PCNT: variants seen among roughly 807,000 people sequenced by gnomAD.
PCNT encodes the protein pericentrin.
PCNT carries 319 observed loss-of-function variants against 380.4 expected under a neutral mutation model. The observed-to-expected ratio is 0.84, with a 90% confidence interval of 0.77 to 0.92. The LOEUF is 0.92. PCNT is among the 40% of genes least tolerant of loss of function. The probability of loss-of-function intolerance (pLI) is 0.00; values close to 1 mark genes in which losing one functional copy is unlikely to be tolerated. For missense variants in PCNT, 4,400 were observed against 4,255.3 expected (o/e 1.03, Z -0.95); for synonymous variants, 1,845 against 1,735.2 (o/e 1.06, Z -1.57).
intron 13 of PCNT, among the ~76,000 whole-genome samples, chr21:46,359,632 G>A (rs139655784): frequency 0.045 from 6,388 of 141,254 alleles, 825 homozygotes; most frequent in Non-Finnish European, 0.071. Flanking sequence ...GGGACTACAG[G>A]CACGTGCCAC....
chr21:46,359,480 G>GTTT lies in PCNT; in HGVS notation c.2154+2297_2154+2299dup, dbSNP rs1478908165. 1.5e-3 allele frequency among the ~76,000 whole-genome samples: 99 copies of GTTT among 65,728 alleles called. 22 individuals are homozygous for GTTT. Among genetic ancestry groups the GTTT allele is most frequent in the East Asian group, 8.7e-3 (19 of 2,172 alleles). The allele number at this position is 65,728 out of a possible 152,430, so 43.1% of individuals were successfully genotyped here. A position where few individuals can be genotyped will look rare whatever the true frequency, so the allele number is the denominator to read the frequency against. ...TAGTATTCTGTCCAAAAATACACCT[G>GTTT]TTTTTTTTTTGTTTTTTTTTTTTTT... On this transcript the variant is annotated intron_variant, in intron 13 of 46. Transcript: ENST00000359568.
chr21:46,444,017 GA>G (rs1364949628), intron 45 of PCNT, 69 bp downstream of exon 45: 1 of 1,525,784 alleles, frequency 6.6e-7, no homozygotes, highest in Non-Finnish European at 8.9e-7. Flanking sequence ...GGGCCTCAGA[GA>G]AATGCATTTT....
At chr21:46,326,688 A>T in intron 2 of PCNT, 99 bp downstream of exon 2, 1 of 1,269,032 alleles carries the variant, frequency 7.9e-7, no homozygotes, top group Non-Finnish European at 1.1e-6. Flanking sequence ...TTTGCCTTTC[A>T]AAAGTGAGGA....
intron 21 of PCNT, among the ~76,000 whole-genome samples, chr21:46,393,181 G>A (rs536862849): frequency 2.0e-5 from 3 of 152,268 alleles, no homozygotes; most frequent in African/African-American, 7.2e-5. Context: ...GGGAGTGCGG[G>A]GGAACCTCCA....
chr21:46,443,330 G>A (rs1026454674), intron 44 of PCNT, among the ~76,000 whole-genome samples: 2 of 152,238 alleles, frequency 1.3e-5, no homozygotes, highest in Non-Finnish European at 2.9e-5. Flanking sequence ...CCATCCTCCT[G>A]TGTCAGCCTC....
At position 46,437,095 on chromosome 21, in the gene PCNT, G is replaced by A. The variant is rs370266308; in HGVS notation, c.9099+14G>A. On this transcript the variant is annotated intron_variant, in intron 40 of 46. Coordinates refer to ENST00000359568, the MANE Select transcript of PCNT (RefSeq NM_006031.6). Reference sequence around the variant, plus strand: ...ACCTCCTCCCAGGTAAGGGGTGAGCGCCCCCAGGTCCCTGGCCTGGCTCCT... The same window carrying A: ...ACCTCCTCCCAGGTAAGGGGTGAGCACCCCCAGGTCCCTGGCCTGGCTCCT... The A allele has an allele frequency of 4.8e-4, 758 of 1,589,654 alleles. No individual in the cohort carries two copies. Among genetic ancestry groups the A allele is most frequent in the Non-Finnish European group, 6.0e-4 (692 of 1,158,774 alleles).
chr21:46,350,042 G>A (rs1330493652), intron 8 of PCNT, among the ~76,000 whole-genome samples: 1 of 152,122 alleles, frequency 6.6e-6, no homozygotes, highest in Non-Finnish European at 1.5e-5. Flanking sequence ...AGCCAGGCAT[G>A]GTGGTGGGCA....
At chr21:46,444,603 T>A in intron 45 of PCNT, 91 bp from the exon 46 acceptor site, 1 of 1,456,056 alleles carries the variant, frequency 6.9e-7, no homozygotes, top group South Asian at 1.2e-5. Flanking sequence ...CTGGTGCCTT[T>A]CTTCTGCACT....
intron 33 of PCNT, 118 bp from the exon 34 acceptor site, chr21:46,427,504 T>C: frequency 8.8e-7 from 1 of 1,132,086 alleles, no homozygotes; most frequent in South Asian, 1.3e-5. Flanking sequence ...AGAGGCCTCA[T>C]TTACCCTGAA....
chr21:46,346,276 T>TG, intron 4 of PCNT, 68 bp downstream of exon 4: 1 of 679,170 alleles, frequency 1.5e-6, no homozygotes, highest in Non-Finnish European at 2.7e-6. Flanking sequence ...ACAGTGGGCA[T>TG]CCGGGTGGGG....
At position 46,326,541 on chromosome 21, in the gene PCNT, A is replaced by G. The variant is rs750717544; in HGVS notation, c.219A>G (p.Thr73=). The G allele has an allele frequency of 5.6e-6, 9 of 1,614,170 alleles. No homozygotes were observed. Among genetic ancestry groups the G allele is most frequent in the Middle Eastern group, 1.7e-4 (1 of 6,058 alleles). The part of the protein sequence containing the change: ...LCGGGDICKS[T]SCDDTPDGAG... ...GAGGAGGGGACATTTGCAAAAGCAC[A>G]TCATGTGACGACACCCCTGATGGGG... The change falls in exon 2 of 47, where the codon ACA becomes ACG. Residue 73 remains threonine, a synonymous_variant. Transcript: ENST00000359568.
chr21:46,438,041 G>A, intron 40 of PCNT, 123 bp from the exon 41 acceptor site: 1 of 812,978 alleles, frequency 1.2e-6, no homozygotes, highest in South Asian at 1.5e-5. Flanking sequence ...AGCTCCACAA[G>A]CTTCTCATTG....
Position 46,416,507 on chromosome 21 carries a change from C to T in PCNT, c.6589C>T (p.Leu2197Phe). 3 of 1,613,810 alleles carry T rather than the reference C, an allele frequency of 1.9e-6. No homozygotes were observed. Among genetic ancestry groups the T allele is most frequent in the Non-Finnish European group, 1.7e-6 (2 of 1,179,952 alleles). Reference sequence around the variant, plus strand: ...GTCTCTTTCTTCACCGACCAGCGTACTTGGTGGCTCCCGCCACCAGAGCCA... The same window carrying T: ...GTCTCTTTCTTCACCGACCAGCGTATTTGGTGGCTCCCGCCACCAGAGCCA... ...DMSLSSPTSV[L>F]GGSRHQSHTA... is the part of the protein sequence containing the mutation. The change falls in exon 30 of 47, where the codon CTT becomes TTT. Residue 2197 changes from leucine to phenylalanine, a missense_variant. By Grantham distance (22) the Leu-to-Phe change is conservative. Transcript: ENST00000359568.
In PCNT at chr21:46,440,840, CT is replaced by C. The variant is rs960485638; in HGVS notation, c.9394-8del. On this transcript the variant is annotated splice_polypyrimidine_tract_variant and intron_variant, in intron 42 of 46. Transcript: ENST00000359568. ...TGTTTCCTATGATAAAATTTTACTG[CT>C]TTTTTTCTTTTAGATGGAAAAATTG... The C allele has an allele frequency of 6.6e-6, 10 of 1,518,392 alleles. No homozygotes were observed. The highest frequency in any genetic ancestry group is 5.0e-5 in the Admixed American group (3 of 59,864). The allele number at this position is 1,518,392 out of a possible 1,614,324, so 94.1% of individuals were successfully genotyped here.
intron 16 of PCNT, 143 bp from the exon 17 acceptor site, chr21:46,385,689 G>C: frequency 3.4e-6 from 3 of 880,214 alleles, no homozygotes; most frequent in Non-Finnish European, 3.8e-6. Context: ...GTGCCGAAGT[G>C]CCTGCTCCTT....
chr21:46,427,904 T>A, intron 34 of PCNT, 109 bp downstream of exon 34: 1 of 1,233,036 alleles, frequency 8.1e-7, no homozygotes, highest in African/African-American at 1.5e-5. Flanking sequence ...TGTGTTTCTC[T>A]CGACCGCTGG....
At chr21:46,414,785 C>T (rs965033879) in intron 29 of PCNT, among the ~76,000 whole-genome samples, 161 of 143,360 alleles carry the variant, frequency 1.1e-3, no homozygotes, top group Non-Finnish European at 1.9e-3. Flanking sequence ...GACACACAGC[C>T]GCCCACTCTC....
At chr21:46,372,684 T>G (rs1424156543) in intron 15 of PCNT, among the ~76,000 whole-genome samples, 3 of 152,202 alleles carry the variant, frequency 2.0e-5, no homozygotes, top group African/African-American at 7.2e-5. Flanking sequence ...CCTGAAAGGT[T>G]TGCTTGGTGA....
At chr21:46,405,077 A>T (rs1399365723) in intron 27 of PCNT, among the ~76,000 whole-genome samples, 3 of 152,152 alleles carry the variant, frequency 2.0e-5, no homozygotes, top group Non-Finnish European at 2.9e-5. Context: ...ATCTCTACAA[A>T]TTTTTTTAAA....
Sources: allele counts gnomAD v4.1 joint callset (sites outside exome capture counted in the v4.1 genomes callset), GRCh38; gene constraint gnomAD v4.1.1; transcripts MANE v1.5; gene names NCBI Gene and HGNC (gene_info 2026-07-23, HGNC 2026-07-21).